Variants in GNAO1 observed in about 807,000 individuals in gnomAD.
The protein encoded by GNAO1 is guanine nucleotide-binding protein G(o) subunit alpha.
For missense variants in GNAO1, 166 were observed against 478.7 expected, an observed-to-expected ratio of 0.35 and a Z score of 6.10; for synonymous variants, 164 against 180.7, an observed-to-expected ratio of 0.91 and a Z score of 0.74.
At chr16:56,248,008 G>C (rs1276266188) in intron 2 of GNAO1, among the ~76,000 whole-genome samples, 1 of 152,204 alleles carries the variant, frequency 6.6e-6, no homozygotes, top group Non-Finnish European at 1.5e-5. Flanking sequence ...ATGTCTCTCT[G>C]TAGGTCTCTT....
rs576463131 is a variant in GNAO1, at chr16:56,281,232, T to G, written c.303+5160T>G. On this transcript the variant is annotated intron_variant, in intron 3 of 8. Coordinates refer to ENST00000262493, the MANE Select transcript of GNAO1 (RefSeq NM_020988.3). Reference sequence around the variant, plus strand: ...GAGTCCCATTTAGATAGGCACAGTATGATGAGGTAAAACAAATCATTCAAA... The same window carrying G: ...GAGTCCCATTTAGATAGGCACAGTAGGATGAGGTAAAACAAATCATTCAAA... 2.0e-5 allele frequency among the ~76,000 whole-genome samples: 3 copies of G among 152,274 alleles called. No homozygotes were observed. The East Asian group carries it at 5.8e-4, about 29-fold the overall frequency.
At chr16:56,237,481 C>T (rs368419898) in intron 2 of GNAO1, among the ~76,000 whole-genome samples, 4 of 152,236 alleles carry the variant, frequency 2.6e-5, no homozygotes, top group African/African-American at 4.8e-5. Flanking sequence ...AGAAACCATG[C>T]GTTCTGGTGG....
intron 7 of GNAO1, chr16:56,353,436 C>T (rs939041376): frequency 2.0e-5 from 3 of 152,386 alleles, no homozygotes; most frequent in Admixed American, 6.5e-5. Flanking sequence ...ATTCAGGTAT[C>T]ATGGATGACA....
intron 2 of GNAO1, among the ~76,000 whole-genome samples, chr16:56,201,735 A>C (rs2036283619): frequency 6.6e-6 from 1 of 152,216 alleles, no homozygotes; most frequent in Non-Finnish European, 1.5e-5. Flanking sequence ...GGAGGAGATA[A>C]ATTTTAATGA....
In GNAO1 at chr16:56,347,525, C is replaced by T. The variant is rs964701523; in HGVS notation, c.724-3859C>T. ...TGGGGCCTCCAGACAGACCCCACTG[C>T]AGCCAGATGAAGGCCCCTGTCAAAG... is the stretch of plus-strand genomic sequence containing the variant. On this transcript the variant is annotated intron_variant, in intron 6 of 8. Transcript: ENST00000262493. 1.0e-5 allele frequency: 10 copies of T among 985,466 alleles called. No individual in the cohort carries two copies. The African/African-American group carries it at 1.7e-4, about 17-fold the overall frequency. 61.0% of individuals were successfully genotyped at this position (985,466 alleles called of 1,614,324 possible). A position where few individuals can be genotyped will look rare whatever the true frequency, so the allele number is the denominator to read the frequency against.
intron 3 of GNAO1, among the ~76,000 whole-genome samples, chr16:56,285,570 G>C (rs1011318143): frequency 2.0e-5 from 3 of 152,172 alleles, no homozygotes; most frequent in Non-Finnish European, 4.4e-5. Flanking sequence ...CAGCAGAGAG[G>C]GGCCTGCCTG....
At chr16:56,194,188 C>A (rs1445253224) in intron 2 of GNAO1, 2 of 456,496 alleles carry the variant, frequency 4.4e-6, no homozygotes, top group Non-Finnish European at 8.8e-6. Flanking sequence ...TTCGCAGAGC[C>A]CCCCTTGGCT....
At chr16:56,196,207 A>G (rs769334170) in intron 2 of GNAO1, among the ~76,000 whole-genome samples, 1 of 152,272 alleles carries the variant, frequency 6.6e-6, no homozygotes, top group Non-Finnish European at 1.5e-5. Context: ...AAAATATTTC[A>G]GTACTGAGAA....
chr16:56,208,444 T>C (rs1257661375), intron 2 of GNAO1, among the ~76,000 whole-genome samples: 2 of 107,032 alleles, frequency 1.9e-5, no homozygotes, highest in African/African-American at 7.3e-5. Flanking sequence ...TGTGTGTGTG[T>C]GTGTGCGCGC....
chr16:56,326,345 A>C lies in GNAO1; in HGVS notation c.304-2286A>C, dbSNP rs1596866226. 6.6e-6 allele frequency among the ~76,000 whole-genome samples: 1 copy of C among 152,228 alleles called. No individual in the cohort carries two copies. The highest frequency in any genetic ancestry group is 1.9e-4 in the East Asian group (1 of 5,200). ...TGGTCTGAGCAAAGTCCTGTCAGCC[A>C]CAGAGACATGTGAAGAGCAAGAAGA... On this transcript the variant is annotated intron_variant, in intron 3 of 8. Transcript: ENST00000262493. The surrounding 1 kb of genome is among the most constrained non-coding windows in gnomAD (Gnocchi z 4.8).
chr16:56,312,992 G>A (rs1195144066), intron 3 of GNAO1, among the ~76,000 whole-genome samples: 1 of 152,226 alleles, frequency 6.6e-6, no homozygotes, highest in Non-Finnish European at 1.5e-5. Flanking sequence ...CAAGCCCAGA[G>A]CCTTCTACAG....
chr16:56,224,291 C>T (rs2036515587), intron 2 of GNAO1, among the ~76,000 whole-genome samples: 2 of 152,138 alleles, frequency 1.3e-5, no homozygotes, highest in South Asian at 4.1e-4. Flanking sequence ...GAGAGTCCTG[C>T]CTTTCTTCCT....
At chr16:56,253,954 A>G (rs1281574812) in intron 2 of GNAO1, among the ~76,000 whole-genome samples, 33 of 152,354 alleles carry the variant, frequency 2.2e-4, no homozygotes, top group Non-Finnish European at 5.9e-5. Context: ...GGCATTTTTT[A>G]TAATGTTAAA....
intron 3 of GNAO1, among the ~76,000 whole-genome samples, chr16:56,319,216 C>G (rs1002180441): frequency 2.6e-5 from 4 of 152,176 alleles, no homozygotes; most frequent in African/African-American, 9.7e-5. Flanking sequence ...AAGAATATAC[C>G]TGGGCTTTTC....
rs752677340 is a variant in GNAO1 at position 56,192,204 on chromosome 16, G to A, written c.-32G>A. 2 of 1,268,604 alleles carry A rather than the reference G, an allele frequency of 1.6e-6. No homozygotes were observed. Among genetic ancestry groups the A allele is most frequent in the African/African-American group, 1.5e-5 (1 of 68,316 alleles). 78.6% of individuals were successfully genotyped at this position (1,268,604 alleles called of 1,614,324 possible). A position where few individuals can be genotyped will look rare whatever the true frequency, so the allele number is the denominator to read the frequency against. On this transcript the variant is annotated 5_prime_UTR_variant, in exon 1 of 9. Coordinates refer to ENST00000262493, the MANE Select transcript of GNAO1 (RefSeq NM_020988.3). ...CAAGCCGGGGAGCCGTGCCAGCCGA[G>A]TCGTGCGGGCTGTGGCAGGGAAGGG...
At chr16:56,208,132 T>C (rs371575889) in intron 2 of GNAO1, among the ~76,000 whole-genome samples, 1 of 152,354 alleles carries the variant, frequency 6.6e-6, no homozygotes, top group African/African-American at 2.4e-5. Context: ...TTTTCTTCAG[T>C]ATTACATTCA....
intron 2 of GNAO1, among the ~76,000 whole-genome samples, chr16:56,222,757 G>C (rs2036502551): frequency 2.6e-5 from 4 of 152,200 alleles, no homozygotes; most frequent in Admixed American, 2.0e-4. Context: ...GATCCTCGGA[G>C]AGCATTTCAT....
intron 2 of GNAO1, among the ~76,000 whole-genome samples, chr16:56,196,273 G>A (rs928889172): frequency 2.6e-5 from 4 of 152,148 alleles, no homozygotes; most frequent in Admixed American, 1.3e-4. Context: ...CCATGTGTGA[G>A]TAATCAGTGA....
In GNAO1 at chr16:56,354,747, C is replaced by T; in HGVS notation, c.878-119C>T. The T allele has an allele frequency of 1.6e-6, 1 of 628,300 alleles. No homozygotes were observed. The highest frequency in any genetic ancestry group is 2.8e-6 in the Non-Finnish European group (1 of 351,404). The allele number at this position is 628,300 out of a possible 1,614,324, so 38.9% of individuals were successfully genotyped here. On this transcript the variant is annotated intron_variant, in intron 7 of 8. Coordinates refer to ENST00000262493, the MANE Select transcript of GNAO1 (RefSeq NM_020988.3). This position sits in a 1 kb window ranked among gnomAD's most constrained non-coding sequence, Gnocchi z 4.3. ...GCCCAGCAGTTCCTACTGCTCCCTTCCTGTCTCATCCCACTTCCTGGGACA... is the reference window on the plus strand; with the variant it reads ...GCCCAGCAGTTCCTACTGCTCCCTTTCTGTCTCATCCCACTTCCTGGGACA...
Sources: allele counts gnomAD v4.1 joint callset (sites outside exome capture counted in the v4.1 genomes callset), GRCh38; gene constraint gnomAD v4.1.1; non-coding constraint Gnocchi (gnomAD v3.1); transcripts MANE v1.5; gene names NCBI Gene and HGNC (gene_info 2026-07-23, HGNC 2026-07-21).